NRXN3: variants seen among roughly 807,000 people sequenced by gnomAD.
The protein encoded by NRXN3 is neurexin III.
Under a neutral mutation model 137.6 loss-of-function variants are expected in NRXN3, and 32 were observed. The ratio of observed to expected loss-of-function variants is 0.23; its 90% CI spans 0.18 to 0.31. NRXN3 has a LOEUF of 0.31. Ranked by LOEUF, NRXN3 falls within the 10% of genes least tolerant of loss-of-function variation. NRXN3 has a pLI of 1.00. For missense variants in NRXN3, 1,574 were observed against 2,062.5 expected (o/e 0.76, Z 4.59); for synonymous variants, 798 against 784.5 (o/e 1.02, Z -0.29).
At position 79,144,625 on chromosome 14, in the gene NRXN3, T is replaced by C. The variant is rs2059124368; in HGVS notation, c.3262+156484T>C. Among the ~76,000 whole-genome samples the C allele has an allele frequency of 2.6e-5, 4 of 152,336 alleles. 1 individual carries two copies. In the Middle Eastern group the frequency reaches 0.01, roughly 389 times the overall value. On this transcript the variant is annotated intron_variant, in intron 15 of 20. Coordinates refer to ENST00000335750, the MANE Select transcript of NRXN3 (RefSeq NM_001330195.2). ...TTTTGGCCAGTGAAGATGTTGTCAA[T>C]GTACAAAGTCAGTAATGCTTCTTGT...
intron 3 of NRXN3, chr14:78,282,051 AG>A (rs2074479669): frequency 2.2e-6 from 1 of 447,774 alleles, no homozygotes; most frequent in Admixed American, 2.4e-5. Flanking sequence ...TGGAGCTTAA[AG>A]GGTATCCTGT....
intron 4 of NRXN3, among the ~76,000 whole-genome samples, chr14:78,554,027 T>A (rs553423574): frequency 2.0e-5 from 3 of 152,184 alleles, no homozygotes; most frequent in African/African-American, 7.2e-5. Flanking sequence ...AAGGGTGCAC[T>A]CTGATGGGAA....
At chr14:78,573,101 C>G (rs1305159719) in intron 4 of NRXN3, among the ~76,000 whole-genome samples, 17 of 152,206 alleles carry the variant, frequency 1.1e-4, no homozygotes, top group Admixed American at 1.1e-3. Flanking sequence ...CACTCATTCT[C>G]TATCCTACTG....
At chr14:79,165,131 C>A (rs1013413312) in intron 15 of NRXN3, among the ~76,000 whole-genome samples, 2 of 151,932 alleles carry the variant, frequency 1.3e-5, no homozygotes, top group African/African-American at 4.8e-5. Flanking sequence ...ATGGTTATTG[C>A]CTAGTAAGAG....
At chr14:79,175,760 C>T (rs1377131584) in intron 15 of NRXN3, among the ~76,000 whole-genome samples, 1 of 152,186 alleles carries the variant, frequency 6.6e-6, no homozygotes, top group African/African-American at 2.4e-5. Flanking sequence ...CATCTGATTC[C>T]CAAGCCCAGA....
intron 4 of NRXN3, among the ~76,000 whole-genome samples, chr14:78,380,251 A>G (rs2088792533): frequency 7.1e-6 from 1 of 140,856 alleles, no homozygotes; most frequent in Non-Finnish European, 1.5e-5. Flanking sequence ...CAGCGAGCCG[A>G]GATTGCGCCA....
At chr14:78,301,069 TGGG>T (rs1379886376) in intron 4 of NRXN3, among the ~76,000 whole-genome samples, 1 of 151,956 alleles carries the variant, frequency 6.6e-6, no homozygotes, top group Non-Finnish European at 1.5e-5. Flanking sequence ...TAACTGAATT[TGGG>T]GATAACATTG....
intron 4 of NRXN3, among the ~76,000 whole-genome samples, chr14:78,481,602 C>T (rs562231431): frequency 6.6e-6 from 1 of 152,132 alleles, no homozygotes; most frequent in African/African-American, 2.4e-5. Context: ...TGAATGACTG[C>T]AATATGTTTT....
chr14:79,655,783 G>A (rs1389975991), intron 16 of NRXN3, among the ~76,000 whole-genome samples: 1 of 152,138 alleles, frequency 6.6e-6, no homozygotes, highest in Non-Finnish European at 1.5e-5. Flanking sequence ...AGCCAAAAAT[G>A]TCTCCAGACA....
intron 20 of NRXN3, among the ~76,000 whole-genome samples, chr14:79,820,019 T>C (rs565611502): frequency 1.4e-5 from 2 of 142,856 alleles, no homozygotes; most frequent in Admixed American, 1.4e-4. Flanking sequence ...GGCAGTAGCT[T>C]CCTTGATCTC....
chr14:79,214,117 A>G (rs1180705900), intron 15 of NRXN3, among the ~76,000 whole-genome samples: 1 of 152,206 alleles, frequency 6.6e-6, no homozygotes, highest in Non-Finnish European at 1.5e-5. Flanking sequence ...TCTCAGTTAA[A>G]TTTTCTTAAA....
At chr14:79,779,699 T>A (rs1343313569) in intron 19 of NRXN3, among the ~76,000 whole-genome samples, 1 of 152,174 alleles carries the variant, frequency 6.6e-6, no homozygotes, top group Non-Finnish European at 1.5e-5. Context: ...ACCACAAGTT[T>A]TCAAGGAATC....
chr14:79,311,732 G>A (rs1306943718), intron 15 of NRXN3, among the ~76,000 whole-genome samples: 1 of 76,818 alleles, frequency 1.3e-5, no homozygotes, highest in Non-Finnish European at 2.5e-5. Flanking sequence ...AGAGGTGTTT[G>A]TAGTATTCTC....
At chr14:79,703,158 A>T (rs1169703551) in intron 19 of NRXN3, among the ~76,000 whole-genome samples, 1 of 152,152 alleles carries the variant, frequency 6.6e-6, no homozygotes, top group Non-Finnish European at 1.5e-5. Context: ...GTGAGATTTC[A>T]TTCTCAAGCT....
intron 17 of NRXN3, among the ~76,000 whole-genome samples, chr14:79,679,160 C>A (rs2098656259): frequency 6.6e-6 from 1 of 151,590 alleles, no homozygotes; most frequent in Non-Finnish European, 1.5e-5. Flanking sequence ...TATCTAGGAG[C>A]TATTTCTTGT....
chr14:79,819,954 G>C (rs1377990968), intron 20 of NRXN3, among the ~76,000 whole-genome samples: 1 of 152,020 alleles, frequency 6.6e-6, no homozygotes, highest in Non-Finnish European at 1.5e-5. Flanking sequence ...TGTCTTCTGA[G>C]CTCCCCACCT....
At position 78,657,046 on chromosome 14, in the gene NRXN3, CAAAAAAAAAAAA is replaced by C. The variant is rs1174872709; in HGVS notation, c.1221+5738_1221+5749del. ...TGGGCGACAGAGTGAGACTCCGTCT[CAAAAAAAAAAAA>C]AAAAAAAAAAAAAAAAAGAAAAGGT... is the stretch of plus-strand genomic sequence containing the variant. On this transcript the variant is annotated intron_variant, in intron 6 of 20. Transcript: ENST00000335750. Among the ~76,000 whole-genome samples the C allele has an allele frequency of 1.9e-4, 6 of 31,066 alleles. No individual in the cohort carries two copies. The East Asian group carries it at 2.3e-3, about 12-fold the overall frequency. The allele number at this position is 31,066 out of a possible 152,430, so 20.4% of individuals were successfully genotyped here.
At chr14:79,549,728 C>A (rs770556349) in intron 16 of NRXN3, among the ~76,000 whole-genome samples, 2 of 151,992 alleles carry the variant, frequency 1.3e-5, no homozygotes. Flanking sequence ...CTGTTGCCTT[C>A]AAAAATGCAG....
chr14:78,447,963 A>G (rs919806036), intron 4 of NRXN3, among the ~76,000 whole-genome samples: 1 of 152,178 alleles, frequency 6.6e-6, no homozygotes, highest in Admixed American at 6.5e-5. Flanking sequence ...TGTTCAAAGT[A>G]TTGCATGAGC....
Sources: allele counts gnomAD v4.1 joint callset (sites outside exome capture counted in the v4.1 genomes callset), GRCh38; gene constraint gnomAD v4.1.1; transcripts MANE v1.5; gene names NCBI Gene and HGNC (gene_info 2026-07-23, HGNC 2026-07-21).